ABTB1: variants seen among roughly 807,000 people sequenced by gnomAD.
The protein encoded by ABTB1 is ankyrin repeat and BTB/POZ domain-containing protein 1.
ABTB1 carries 45 observed loss-of-function variants against 57.1 expected under a neutral mutation model. That is an observed-to-expected ratio of 0.79 (90% CI 0.62 to 1.01). The LOEUF is 1.01. Among genes scored for constraint, ABTB1 ranks in the 50% least tolerant of loss-of-function variants. ABTB1 has a pLI of 0.00. For synonymous variants in ABTB1, 302 were observed against 275.4 expected (o/e 1.10, Z -0.95); for missense variants, 630 against 666.3 (o/e 0.95, Z 0.60).
chr3:127,675,534 C>T (rs974778680), intron 3 of ABTB1: 1 of 181,790 alleles, frequency 5.5e-6, no homozygotes, highest in African/African-American at 2.3e-5. Flanking sequence ...CTACCTTGGT[C>T]TCGCAAAGTG....
Position 127,680,568 on chromosome 3 carries a change from C to A in ABTB1, c.*93C>A. The A allele has an allele frequency of 6.8e-7, 1 of 1,472,530 alleles. No individual in the cohort carries two copies. Among genetic ancestry groups the A allele is most frequent in the Non-Finnish European group, 9.4e-7 (1 of 1,066,476 alleles). 91.2% of individuals were successfully genotyped at this position (1,472,530 alleles called of 1,614,324 possible). On this transcript the variant is annotated 3_prime_UTR_variant, in exon 12 of 12. Transcript: ENST00000232744. ...GCAGCTCTTCTTCCTGCTCCCTGCA[C>A]ATTGAGGGCTTCATGGGGGGTGCGA...
rs750429925 is a variant in ABTB1 at position 127,673,025 on chromosome 3, C to T, written c.-1C>T. 19 of 1,569,148 alleles carry T rather than the reference C, an allele frequency of 1.2e-5. No individual in the cohort carries two copies. The highest frequency in any genetic ancestry group is 1.7e-4 in the Middle Eastern group (1 of 5,940). On this transcript the variant is annotated 5_prime_UTR_variant, in exon 1 of 12. Transcript: ENST00000232744. Reference sequence around the variant, plus strand: ...TCGGCTCGGGTACCATCCTCCGCGCCATGGACACCAGCGACCTGTTCGCCA... The same window carrying T: ...TCGGCTCGGGTACCATCCTCCGCGCTATGGACACCAGCGACCTGTTCGCCA...
At position 127,680,393 on chromosome 3, in the gene ABTB1, A is replaced by G; in HGVS notation, c.1355A>G (p.Gln452Arg). Residue 452 changes from glutamine to arginine, a missense_variant, in exon 12 of 12, where the codon CAG becomes CGG. Transcript: ENST00000232744. Reference sequence around the variant, plus strand: ...CGCTTCCACGTGGCCAGCACGGTGCAGACCTACAGCGCCATAGAGGAGGCG... The same window carrying G: ...CGCTTCCACGTGGCCAGCACGGTGCGGACCTACAGCGCCATAGAGGAGGCG... ...DIRFHVASTV[Q>R]TYSAIEEAQQ... 6.2e-7 allele frequency: 1 copy of G among 1,608,230 alleles called. No individual in the cohort carries two copies. Among genetic ancestry groups the G allele is most frequent in the Non-Finnish European group, 8.5e-7 (1 of 1,177,706 alleles).
Position 127,680,582 on chromosome 3 carries a change from TG to T in ABTB1, c.*113del. 5 of 1,398,518 alleles carry T rather than the reference TG, an allele frequency of 3.6e-6. No homozygotes were observed. Among genetic ancestry groups the T allele is most frequent in the Non-Finnish European group, 4.0e-6 (4 of 999,606 alleles). The allele number at this position is 1,398,518 out of a possible 1,614,324, so 86.6% of individuals were successfully genotyped here. On this transcript the variant is annotated 3_prime_UTR_variant, in exon 12 of 12. Transcript: ENST00000232744. ...TGCTCCCTGCACATTGAGGGCTTCA[TG>T]GGGGGTGCGAGGGGCTCAGTGGGGC...
chr3:127,680,165 A>G lies in ABTB1; in HGVS notation c.1210A>G (p.Met404Val), dbSNP rs755991573. The change falls in exon 11 of 12, where the codon ATG (methionine) becomes GTG (valine). Residue 404 changes from methionine to valine, a missense_variant. By Grantham distance (21) the Met-to-Val change is conservative (BLOSUM62 1). Around this residue, in one of 3 missense-constraint regions of ABTB1, gnomAD observed 579 missense variants for 585.9 expected, o/e 0.99. Transcript: ENST00000232744. The part of the protein sequence containing the change: ...ARLEDQCTEY[M>V]AKVIEKLVER... The stretch of plus-strand genomic sequence containing the variant: ...GCTTGAGGACCAGTGCACTGAGTAC[A>G]TGGCCAAGGTCATTGAGAAGGTGGG... 8 of 1,613,814 alleles carry G rather than the reference A, an allele frequency of 5.0e-6. No homozygotes were observed. The highest frequency in any genetic ancestry group is 5.9e-6 in the Non-Finnish European group (7 of 1,180,008).
At chr3:127,673,452 C>A (rs772433475) in intron 1 of ABTB1, 2 of 171,370 alleles carry the variant, frequency 1.2e-5, no homozygotes, top group Admixed American at 1.3e-4. Flanking sequence ...AGACGTGGCC[C>A]CTTTCTCTCG....
rs770376296 is a variant in ABTB1 at position 127,677,274 on chromosome 3, C to T, written c.750C>T (p.Pro250=). The change falls in exon 8 of 12, where the codon CCC becomes CCT. Residue 250 remains proline, a synonymous_variant. Transcript: ENST00000232744. ...CGCTGCTGGCCGATTGTGCCCTGCC[C>T]CCCGAGCTCCGAGTAAGTGCGGGGC... is the stretch of plus-strand genomic sequence containing the variant. ...DMALLADCAL[P]PELRGDLWEL... is the part of the protein sequence containing the mutation. The T allele has an allele frequency of 3.1e-6, 5 of 1,589,942 alleles. No homozygotes were observed. Among genetic ancestry groups the T allele is most frequent in the South Asian group, 2.2e-5 (2 of 88,996 alleles).
At position 127,677,067 on chromosome 3, in the gene ABTB1, G is replaced by C; in HGVS notation, c.627G>C (p.Glu209Asp). 4 of 1,614,162 alleles carry C rather than the reference G, an allele frequency of 2.5e-6. No individual in the cohort carries two copies. Among genetic ancestry groups the C allele is most frequent in the Non-Finnish European group, 3.4e-6 (4 of 1,180,016 alleles). The change falls in exon 7 of 12, where the codon GAG (glutamate) becomes GAC (aspartate). Residue 209 changes from glutamate to aspartate, a missense_variant. Glu to Asp is a conservative substitution (Grantham distance 45). Coordinates refer to ENST00000232744, the MANE Select transcript of ABTB1 (RefSeq NM_172027.3). ...TCAGCGACCTGGAGGCCAAGTGCGA[G>C]AAGGTGTCTGAGTTTGGTGCGAGCA... ...DLLSDLEAKC[E>D]KVSEFVASKP...
Position 127,674,463 on chromosome 3 carries a change from GGA to G in ABTB1, c.119+16_119+17del, listed in dbSNP as rs781335293. 11 of 1,589,626 alleles carry G rather than the reference GGA, an allele frequency of 6.9e-6. No individual in the cohort carries two copies. In the East Asian group the frequency reaches 1.1e-4, roughly 16 times the overall value. ...GGGACAGCACCCCCTTGTGAGTGCT[GGA>G]GAGAGGGGTGGGGAGGGTGGGGGTT... On this transcript the variant is annotated intron_variant, in intron 2 of 11. Transcript: ENST00000232744.
intron 1 of ABTB1, chr3:127,673,431 C>T (rs557527140): frequency 1.1e-5 from 2 of 187,454 alleles, no homozygotes; most frequent in East Asian, 1.3e-4. Context: ...CGGGTATAGG[C>T]CTGGGACTCC....
At position 127,680,636 on chromosome 3, in the gene ABTB1, C is replaced by T. The variant is rs750885983; in HGVS notation, c.*161C>T. 1.1e-6 allele frequency: 1 copy of T among 926,394 alleles called. No individual in the cohort carries two copies. Among genetic ancestry groups the T allele is most frequent in the Admixed American group, 1.9e-5 (1 of 51,558 alleles). The allele number at this position is 926,394 out of a possible 1,614,324, so 57.4% of individuals were successfully genotyped here. ...CTCTTCCCTCCATGAGCCTGGAGAC[C>T]CCAGGGGAGGATCCATTTGGGATGA... On this transcript the variant is annotated 3_prime_UTR_variant, in exon 12 of 12. Coordinates refer to ENST00000232744, the MANE Select transcript of ABTB1 (RefSeq NM_172027.3).
chr3:127,674,127 A>ACTGGCT, intron 1 of ABTB1: 1 of 521,420 alleles, frequency 1.9e-6, no homozygotes, highest in Non-Finnish European at 3.5e-6. Flanking sequence ...CAGCCTCGGC[A>ACTGGCT]CTGGCTCTGG....
In ABTB1 at chr3:127,677,471, C is replaced by G. The variant is rs1221467263; in HGVS notation, c.769C>G (p.Leu257Val). ...CALPPELRGD[L>V]WELPFPCPDG... ...CACCTCTTCTGTACCCCAGGGTGATCTTTGGGAGCTGCCCTTCCCTTGTCC... is the reference window on the plus strand; with the variant it reads ...CACCTCTTCTGTACCCCAGGGTGATGTTTGGGAGCTGCCCTTCCCTTGTCC... Residue 257 changes from leucine (L) to valine (V), a missense_variant, in exon 9 of 12, where the codon CTT becomes GTT. Coordinates refer to ENST00000232744, the MANE Select transcript of ABTB1 (RefSeq NM_172027.3). The G allele has an allele frequency of 1.5e-5, 25 of 1,614,038 alleles. No individual in the cohort carries two copies. The highest frequency in any genetic ancestry group is 1.9e-5 in the Non-Finnish European group (23 of 1,180,036).
intron 1 of ABTB1, chr3:127,673,629 C>G (rs961402366): frequency 6.5e-6 from 1 of 152,696 alleles, no homozygotes; most frequent in Non-Finnish European, 1.5e-5. Context: ...GGGGCCCTTC[C>G]CCTCCTTGGG....
chr3:127,673,073 C>G lies in ABTB1; in HGVS notation c.48C>G (p.Gly16=). 1 of 1,572,362 alleles carries G rather than the reference C, an allele frequency of 6.4e-7. No homozygotes were observed. The highest frequency in any genetic ancestry group is 8.6e-7 in the Non-Finnish European group (1 of 1,159,326). Residue 16 remains glycine (G), a synonymous_variant, in exon 1 of 12, where the codon GGC becomes GGG. Transcript: ENST00000232744. ...CCAGCTGCAGGAAGGGGGATGTGGG[C>G]CGAGTGCGGTGAGGACCTCGCAGTC... ...LFASCRKGDV[G]RVRYLLEQRD...
At position 127,677,802 on chromosome 3, in the gene ABTB1, T is replaced by C; in HGVS notation, c.988T>C (p.Phe330Leu). 2.5e-6 allele frequency: 4 copies of C among 1,612,590 alleles called. No homozygotes were observed. Among genetic ancestry groups the C allele is most frequent in the Non-Finnish European group, 3.4e-6 (4 of 1,179,666 alleles). The change falls in exon 10 of 12, where the codon TTC becomes CTC. Residue 330 changes from phenylalanine to leucine, a missense_variant. By Grantham distance (22) the Phe-to-Leu change is conservative (BLOSUM62 0). Around this residue, in one of 3 missense-constraint regions of ABTB1, gnomAD observed 579 missense variants for 585.9 expected, o/e 0.99. Transcript: ENST00000232744. ...VTLHGISPDV[F>L]THVLYYMYSD... is the part of the protein sequence containing the mutation. ...CCTGCATGGCATCTCACCCGACGTC[T>C]TCACTCACGTGCTCTACTACATGTA...
chr3:127,675,261 T>C (rs2074950951), intron 3 of ABTB1, among the ~76,000 whole-genome samples: 2 of 150,710 alleles, frequency 1.3e-5, no homozygotes, highest in East Asian at 3.9e-4. Flanking sequence ...ATTTTGGTTT[T>C]TTCTTTTTTT....
Position 127,673,301 on chromosome 3 carries a change from G to A in ABTB1, c.56+220G>A, listed in dbSNP as rs546636868. On this transcript the variant is annotated intron_variant, in intron 1 of 11. Coordinates refer to ENST00000232744, the MANE Select transcript of ABTB1 (RefSeq NM_172027.3). ...CACTGATGGCCATTGACCCCCGGAGGGCTTCCTGTAAGAAGGGACTGCTCA... is the reference window on the plus strand; with the variant it reads ...CACTGATGGCCATTGACCCCCGGAGAGCTTCCTGTAAGAAGGGACTGCTCA... The A allele has an allele frequency of 3.2e-5, 12 of 375,146 alleles. No individual in the cohort carries two copies. The South Asian group carries it at 8.1e-4, about 25-fold the overall frequency. 23.2% of individuals were successfully genotyped at this position (375,146 alleles called of 1,614,324 possible).
At chr3:127,673,205 G>A in intron 1 of ABTB1, 124 bp downstream of exon 1, 2 of 1,103,492 alleles carry the variant, frequency 1.8e-6, no homozygotes, top group Non-Finnish European at 2.4e-6. Flanking sequence ...ACAGCCCTCG[G>A]AGCGCCCCCG....
Sources: gnomAD v4.1 joint callset for allele counts (sites outside exome capture counted in the v4.1 genomes callset) on GRCh38, gnomAD v4.1.1 for gene constraint, gnomAD v4.1.1 regional missense constraint, MANE v1.5 for transcripts, NCBI Gene and HGNC (gene_info 2026-07-23, HGNC 2026-07-21) for gene names.